The following PCDH15 variants were observed in gnomAD, a reference collection of about 807,000 sequenced individuals.
PCDH15 encodes protocadherin related 15, also known as protocadherin-15.
In PCDH15, 129 loss-of-function variants were observed where a neutral mutation model predicts 178.5. The observed-to-expected ratio is 0.72, with a 90% CI of 0.63 to 0.84. The LOEUF (loss-of-function observed/expected upper bound fraction) is 0.84. Among genes scored for constraint, PCDH15 ranks in the 40% least tolerant of loss-of-function variants. PCDH15 has a pLI of 0.00. For synonymous variants in PCDH15, 800 were observed against 732.0 expected (o/e 1.09, Z -1.50); for missense variants, 2,230 against 2,099.9 (o/e 1.06, Z -1.21).
intron 6 of PCDH15, among the ~76,000 whole-genome samples, chr10:54,345,801 CAAAAAAAAAAAAAAAAAAAAA>C (rs540507383): frequency 0.047 from 2,482 of 52,786 alleles, 141 homozygotes; most frequent in African/African-American, 0.16. Flanking sequence ...GACTCCGTCT[CAAAAAAAAAAAAAAAAAAAAA>C]AAAAAAAAAA....
chr10:55,560,756 G>T (rs1842181241), intron 2 of PCDH15, among the ~76,000 whole-genome samples: 1 of 151,778 alleles, frequency 6.6e-6, no homozygotes, highest in South Asian at 2.1e-4. Flanking sequence ...TGACATATCT[G>T]CAAGCTGTAT....
chr10:53,890,535 T>G (rs1382123531), intron 26 of PCDH15, among the ~76,000 whole-genome samples: 1 of 152,204 alleles, frequency 6.6e-6, no homozygotes, highest in East Asian at 1.9e-4. Flanking sequence ...TCACTGACTT[T>G]TGTCCTTTTC....
chr10:54,245,742 G>GA (rs137984180), intron 8 of PCDH15, among the ~76,000 whole-genome samples: 7 of 146,904 alleles, frequency 4.8e-5, no homozygotes, highest in African/African-American at 7.4e-5. Context: ...TAAGTTCAAG[G>GA]AAAAAAAAAA....
In PCDH15 at chr10:54,952,330, A is replaced by G. The variant is rs558289454; in HGVS notation, c.-79-54830T>C. Among the ~76,000 whole-genome samples the G allele has an allele frequency of 3.9e-5, 6 of 151,920 alleles. No individual in the cohort carries two copies. In the East Asian group the frequency reaches 7.7e-4, roughly 20 times the overall value. On this transcript the variant is annotated intron_variant, in intron 2 of 5. Transcript: ENST00000458638. ...TAGCTATCTCTATTTGCATAGGTCT[A>G]CTTCGAGGATCTCTGTTCTGTTTCA...
chr10:54,891,319 C>T (rs1954457560), intron 3 of PCDH15, among the ~76,000 whole-genome samples: 1 of 152,096 alleles, frequency 6.6e-6, no homozygotes. Context: ...GAGTCAGTAG[C>T]CTTGTGAGCA....
At chr10:54,676,184 A>G (rs990889427) in intron 1 of PCDH15, among the ~76,000 whole-genome samples, 3 of 152,142 alleles carry the variant, frequency 2.0e-5, no homozygotes, top group South Asian at 2.1e-4. Context: ...TAGATAAAAT[A>G]TATGCTTATA....
intron 11 of PCDH15, among the ~76,000 whole-genome samples, chr10:54,187,824 T>C (rs1279192476): frequency 2.6e-5 from 4 of 151,836 alleles, no homozygotes; most frequent in Non-Finnish European, 4.4e-5. Flanking sequence ...GTAAATATCC[T>C]CGTATTAATT....
At chr10:54,126,622 G>C (rs2042012207) in intron 15 of PCDH15, among the ~76,000 whole-genome samples, 1 of 151,870 alleles carries the variant, frequency 6.6e-6, no homozygotes, top group African/African-American at 2.4e-5. Flanking sequence ...ATAAACTAAT[G>C]CTACATTATA....
At chr10:54,171,263 A>C (rs1799314762) in intron 13 of PCDH15, among the ~76,000 whole-genome samples, 1 of 152,190 alleles carries the variant, frequency 6.6e-6, no homozygotes, top group South Asian at 2.1e-4. Flanking sequence ...CAAGAAAAGT[A>C]GAATGGACTA....
chr10:54,271,964 C>G (rs1272829805), intron 8 of PCDH15, among the ~76,000 whole-genome samples: 1 of 144,708 alleles, frequency 6.9e-6, no homozygotes, highest in Non-Finnish European at 1.5e-5. Context: ...AGAAAACTTA[C>G]TACTGTACCT....
intron 25 of PCDH15, among the ~76,000 whole-genome samples, chr10:53,928,252 G>A (rs1232481110): frequency 6.6e-6 from 1 of 151,858 alleles, no homozygotes. Flanking sequence ...TCTATTTAAT[G>A]AGAAGCTTTT....
intron 25 of PCDH15, among the ~76,000 whole-genome samples, chr10:53,915,685 G>T (rs771116132): frequency 6.6e-6 from 1 of 151,988 alleles, no homozygotes; most frequent in African/African-American, 2.4e-5. Context: ...TCAGCCTCCC[G>T]AGTAGCTAGG....
intron 13 of PCDH15, among the ~76,000 whole-genome samples, chr10:54,160,054 T>C (rs1314075474): frequency 6.6e-6 from 1 of 152,150 alleles, no homozygotes; most frequent in African/African-American, 2.4e-5. Context: ...TCCTGTGCTT[T>C]GGGACCATTG....
chr10:54,827,815 G>A (rs563135945), intron 3 of PCDH15, among the ~76,000 whole-genome samples: 40 of 152,118 alleles, frequency 2.6e-4, no homozygotes, highest in Middle Eastern at 6.8e-3. Context: ...GTATAAGAAA[G>A]CAAATTTTCA....
chr10:54,267,805 A>G (rs1254729895), intron 8 of PCDH15, among the ~76,000 whole-genome samples: 1 of 151,978 alleles, frequency 6.6e-6, no homozygotes, highest in Non-Finnish European at 1.5e-5. Context: ...AAAATATTAC[A>G]TGCTTATAGA....
At chr10:54,217,903 G>C (rs1206411841) in intron 9 of PCDH15, among the ~76,000 whole-genome samples, 2 of 152,098 alleles carry the variant, frequency 1.3e-5, no homozygotes, top group African/African-American at 4.8e-5. Context: ...GTTTTCAAGA[G>C]CCAAAAGGCT....
At position 53,840,218 on chromosome 10, in the gene PCDH15, T is replaced by C. The variant is rs527671993; in HGVS notation, c.3983+102A>G. 110 of 1,345,054 alleles carry C rather than the reference T, an allele frequency of 8.2e-5. No individual in the cohort carries two copies. In the African/African-American group the frequency reaches 1.4e-3, roughly 17 times the overall value. The allele number at this position is 1,345,054 out of a possible 1,614,324, so 83.3% of individuals were successfully genotyped here. On this transcript the variant is annotated intron_variant, in intron 29 of 37. Transcript: ENST00000644397. ...GCTTACACTTCACTTTCAGTAACTA[T>C]TTGGTGGGTTTTAAACTTTAAGTAC...
chr10:54,308,795 C>G (rs2060711750), intron 8 of PCDH15, among the ~76,000 whole-genome samples: 1 of 151,906 alleles, frequency 6.6e-6, no homozygotes. Context: ...TCCCCGACCC[C>G]CAGACAGGCC....
intron 2 of PCDH15, among the ~76,000 whole-genome samples, chr10:54,916,676 C>G (rs114358371): frequency 6.6e-6 from 1 of 152,034 alleles, no homozygotes; most frequent in Non-Finnish European, 1.5e-5. Context: ...TCTCACAATC[C>G]GATATCACCT....
Sources: gnomAD v4.1 joint callset for allele counts (sites outside exome capture counted in the v4.1 genomes callset) on GRCh38, gnomAD v4.1.1 for gene constraint, MANE v1.5 for transcripts, NCBI Gene and HGNC (gene_info 2026-07-23, HGNC 2026-07-21) for gene names.